The following GLIS3 variants were observed in gnomAD, a reference collection of about 807,000 sequenced individuals.
GLIS3 encodes the protein zinc finger protein GLIS3.
Under a neutral mutation model 78.6 loss-of-function variants are expected in GLIS3, and 53 were observed. That is an observed-to-expected ratio of 0.67 (90% CI 0.54 to 0.85). GLIS3 has a LOEUF of 0.85. Among genes scored for constraint, GLIS3 ranks in the 40% least tolerant of loss-of-function variants. The pLI is 0.00. For missense variants in GLIS3, 1,703 were observed against 1,231.1 expected (o/e 1.38, Z -5.74); for synonymous variants, 684 against 509.9 (o/e 1.34, Z -4.60).
At chr9:4,273,045 G>A (rs1304994421) in intron 2 of GLIS3, among the ~76,000 whole-genome samples, 2 of 152,154 alleles carry the variant, frequency 1.3e-5, no homozygotes, top group South Asian at 4.1e-4. Flanking sequence ...AGTTTTTGAA[G>A]TAAACTGAAA....
chr9:4,212,396 A>T (rs1272861268), intron 2 of GLIS3, among the ~76,000 whole-genome samples: 1 of 152,174 alleles, frequency 6.6e-6, no homozygotes, highest in East Asian at 1.9e-4. Flanking sequence ...ATTTTCTGAG[A>T]TCTTTGTATG....
intron 10 of GLIS3, among the ~76,000 whole-genome samples, chr9:3,828,704 G>A (rs561908088): frequency 1.3e-5 from 2 of 152,326 alleles, no homozygotes; most frequent in Admixed American, 6.5e-5. Context: ...TTAAGGTTGA[G>A]TCATGAAAGA....
At chr9:4,080,960 T>C (rs1382380467) in intron 4 of GLIS3, among the ~76,000 whole-genome samples, 2 of 152,194 alleles carry the variant, frequency 1.3e-5, no homozygotes, top group Admixed American at 6.5e-5. Flanking sequence ...CCTTGTCAAC[T>C]TGCAGCAACA....
At chr9:4,377,883 A>T in the GLIS3 span, among the ~76,000 whole-genome samples, 1 of 152,146 alleles carries the variant, frequency 6.6e-6, no homozygotes, top group Non-Finnish European at 1.5e-5. Context: ...CGTAGTTGTA[A>T]AAAACATGCT....
the GLIS3 span, among the ~76,000 whole-genome samples, chr9:4,431,172 T>C: frequency 6.6e-6 from 1 of 152,220 alleles, no homozygotes; most frequent in Non-Finnish European, 1.5e-5. Flanking sequence ...CACATTCCTG[T>C]TTTGAGTCTT....
the GLIS3 span, among the ~76,000 whole-genome samples, chr9:4,442,585 G>A: frequency 6.6e-6 from 1 of 151,350 alleles, no homozygotes; most frequent in Non-Finnish European, 1.5e-5. Context: ...TGTTGCTTTT[G>A]TTTTATAATT....
intron 8 of GLIS3, among the ~76,000 whole-genome samples, chr9:3,868,493 T>A (rs1485832835): frequency 6.6e-6 from 1 of 152,166 alleles, no homozygotes; most frequent in African/African-American, 2.4e-5. Flanking sequence ...GAAAATAACA[T>A]AATCCCTATT....
intron 9 of GLIS3, among the ~76,000 whole-genome samples, chr9:3,837,273 G>A (rs1021832459): frequency 2.6e-5 from 4 of 152,156 alleles, no homozygotes; most frequent in Admixed American, 2.0e-4. Context: ...TGAAACCAGT[G>A]ATAACACCAA....
At chr9:4,042,670 C>T (rs1824920348) in intron 4 of GLIS3, among the ~76,000 whole-genome samples, 1 of 152,128 alleles carries the variant, frequency 6.6e-6, no homozygotes, top group Non-Finnish European at 1.5e-5. Flanking sequence ...ATGCTGCAAA[C>T]ACTCAAAATC....
the GLIS3 span, among the ~76,000 whole-genome samples, chr9:4,468,131 G>C: frequency 1.3e-3 from 200 of 152,252 alleles, no homozygotes; most frequent in African/African-American, 4.6e-3. Context: ...AAGAAATATG[G>C]GACTATGTGA....
Position 4,225,555 on chromosome 9 carries a change from G to C in GLIS3, c.388+60483C>G, listed in dbSNP as rs530981306. On this transcript the variant is annotated intron_variant, in intron 2 of 10. Coordinates refer to ENST00000381971, the MANE Select transcript of GLIS3 (RefSeq NM_001042413.2). ...GTCACACAGAGTAAAACTGCCTCTT[G>C]AGTCACTATAACTAGTAAAACCATT... 2.6e-5 allele frequency among the ~76,000 whole-genome samples: 4 copies of C among 152,262 alleles called. No homozygotes were observed. In the East Asian group the frequency reaches 7.7e-4, roughly 29 times the overall value.
the GLIS3 span, among the ~76,000 whole-genome samples, chr9:4,443,260 G>A: frequency 2.6e-4 from 39 of 152,046 alleles, no homozygotes; most frequent in Non-Finnish European, 4.7e-4. Flanking sequence ...CCCCACTCAC[G>A]GCTTAAATTG....
At chr9:3,943,111 C>T (rs890234076) in intron 4 of GLIS3, among the ~76,000 whole-genome samples, 2 of 152,144 alleles carry the variant, frequency 1.3e-5, no homozygotes, top group Admixed American at 6.5e-5. Context: ...CGATGGACTT[C>T]GCATTTGGAC....
At chr9:4,216,488 AAAAAGAAAAG>A (rs1265512022) in intron 2 of GLIS3, among the ~76,000 whole-genome samples, 8 of 150,912 alleles carry the variant, frequency 5.3e-5, no homozygotes, top group African/African-American at 7.3e-5. Flanking sequence ...TCAAAAAAAA[AAAAAGAAAAG>A]AAAAGAAAAG....
chr9:4,184,850 G>T (rs879313795), intron 2 of GLIS3, among the ~76,000 whole-genome samples: 1 of 151,318 alleles, frequency 6.6e-6, no homozygotes, highest in Non-Finnish European at 1.5e-5. Flanking sequence ...TCAACATTAC[G>T]TAGCAAAAAA....
intron 8 of GLIS3, among the ~76,000 whole-genome samples, chr9:3,868,938 G>A (rs1054336715): frequency 6.6e-6 from 1 of 151,982 alleles, no homozygotes; most frequent in African/African-American, 2.4e-5. Flanking sequence ...CCCAATTTTG[G>A]GTTATGTGCT....
the GLIS3 span, among the ~76,000 whole-genome samples, chr9:4,488,346 C>A: frequency 6.6e-6 from 1 of 152,144 alleles, no homozygotes; most frequent in African/African-American, 2.4e-5. Flanking sequence ...AGATTTATAA[C>A]ATGTGCCATC....
chr9:4,385,737 AAAAGAAAGAAAGAAAGAAAGAAAG>A, the GLIS3 span, among the ~76,000 whole-genome samples: 43 of 54,532 alleles, frequency 7.9e-4, 2 homozygotes, highest in African/African-American at 2.5e-3. Flanking sequence ...GAAAGAAAGA[AAAAGAAAGAAAGAAAGAAAGAAAG>A]AAAGAAAGAA....
chr9:4,361,080 T>C, the GLIS3 span, among the ~76,000 whole-genome samples: 1 of 152,230 alleles, frequency 6.6e-6, no homozygotes, highest in Non-Finnish European at 1.5e-5. Flanking sequence ...CTATTGTTAT[T>C]GGATGCTGTG....
Sources: allele counts gnomAD v4.1 joint callset (sites outside exome capture counted in the v4.1 genomes callset), GRCh38; gene constraint gnomAD v4.1.1; transcripts MANE v1.5; gene names NCBI Gene and HGNC (gene_info 2026-07-23, HGNC 2026-07-21).